Variants in PCSK5 observed in about 807,000 individuals in gnomAD.
PCSK5 encodes the protein prohormone convertase 5.
A neutral mutation model predicts 233.2 loss-of-function variants in PCSK5; 129 were observed. That is an observed-to-expected ratio of 0.55 (90% CI 0.48 to 0.64). The LOEUF is 0.64. PCSK5 is among the 30% of genes least tolerant of loss of function. PCSK5 has a pLI of 0.00. For missense variants in PCSK5, 2,076 were observed against 2,430.1 expected (o/e 0.85, Z 3.06); for synonymous variants, 825 against 879.2 (o/e 0.94, Z 1.09).
rs192292162 is a variant in PCSK5, at chr9:76,083,748, A to T, written c.894+11850A>T. ...TGCTGAAAGCAAAGATTGCTTGTAC[A>T]TACACACAAGTGAACATACACATAT... On this transcript the variant is annotated intron_variant, in intron 7 of 37. Coordinates refer to ENST00000674117, the MANE Select transcript of PCSK5 (RefSeq NM_001372043.1). Among the ~76,000 whole-genome samples the T allele has an allele frequency of 1.2e-4, 19 of 152,390 alleles. No homozygotes were observed. The East Asian group carries it at 3.5e-3, about 28-fold the overall frequency.
At chr9:76,096,554 A>C (rs1472370337) in intron 8 of PCSK5, among the ~76,000 whole-genome samples, 1 of 152,096 alleles carries the variant, frequency 6.6e-6, no homozygotes, top group African/African-American at 2.4e-5. Context: ...ATTTCATTGA[A>C]ATTATACTTA....
At chr9:76,233,725 G>C (rs955070613) in intron 22 of PCSK5, 129 bp downstream of exon 22, 6 of 812,024 alleles carry the variant, frequency 7.4e-6, no homozygotes, top group Admixed American at 2.3e-5. Context: ...GTTCACTGGA[G>C]AGCGTGTACA....
chr9:76,358,793 T>C lies in PCSK5; in HGVS notation c.5535T>C (p.Asp1845=), dbSNP rs779712573. 64 of 1,612,198 alleles carry C rather than the reference T, an allele frequency of 4.0e-5. 1 individual carries two copies. In the South Asian group the frequency reaches 6.9e-4, roughly 17 times the overall value. Residue 1845 remains aspartate, a synonymous_variant, in exon 38 of 38, where the codon GAT becomes GAC. Coordinates refer to ENST00000674117, the MANE Select transcript of PCSK5 (RefSeq NM_001372043.1). ...ACAGGGATCGGGACTATGATGAGGA[T>C]GATGATGATGACATCGTCTACATGG... ...IEYRDRDYDE[D]DDDDIVYMGQ...
Position 76,354,051 on chromosome 9 carries a change from GAA to G in PCSK5, c.5090_5091del (p.Lys1697MetfsTer40), listed in dbSNP as rs770915312. 5.0e-6 allele frequency: 8 copies of G among 1,609,430 alleles called. No homozygotes were observed. Among genetic ancestry groups the G allele is most frequent in the African/African-American group, 1.3e-5 (1 of 74,890 alleles). On this transcript the variant is annotated frameshift_variant, in exon 37 of 38. Coordinates refer to ENST00000674117, the MANE Select transcript of PCSK5 (RefSeq NM_001372043.1). LOFTEE classifies it high-confidence loss of function. ...RVGEGEKFNCEKCHESCMECK... is the reference protein window; with the variant it reads ...RVGEGEKFNCXKCHESCMECK... ...TTAACAGGGAGAGAAGTTTAACTGT[GAA>G]AAATGCCACGAGAGCTGCATGGAAT...
chr9:76,258,705 G>A (rs1827060382), intron 24 of PCSK5, among the ~76,000 whole-genome samples: 2 of 152,160 alleles, frequency 1.3e-5, no homozygotes, highest in Admixed American at 1.3e-4. Flanking sequence ...ACTCAGCTCA[G>A]AAGTAAATTC....
At chr9:76,169,586 AGCT>A in intron 12 of PCSK5, 115 bp from the exon 13 acceptor site, 2 of 765,646 alleles carry the variant, frequency 2.6e-6, no homozygotes. Context: ...GATGCAGACC[AGCT>A]CTAGTGCCCA....
At chr9:75,918,410 G>A (rs930107874) in intron 1 of PCSK5, among the ~76,000 whole-genome samples, 2 of 152,192 alleles carry the variant, frequency 1.3e-5, no homozygotes, top group Admixed American at 6.5e-5. Flanking sequence ...TTTCTGCCAG[G>A]CTCATTGATG....
chr9:76,291,145 CA>C (rs1828264140), intron 24 of PCSK5, among the ~76,000 whole-genome samples: 1 of 152,188 alleles, frequency 6.6e-6, no homozygotes, highest in Non-Finnish European at 1.5e-5. Context: ...ACATTTAGTG[CA>C]ATGCATTAGT....
chr9:76,146,396 G>GA (rs1564060736), intron 10 of PCSK5, among the ~76,000 whole-genome samples: 1 of 151,936 alleles, frequency 6.6e-6, no homozygotes, highest in East Asian at 1.9e-4. Flanking sequence ...CACACTCACA[G>GA]AAAATCCCTG....
chr9:76,067,909 A>G, intron 5 of PCSK5, 46 bp from the exon 6 acceptor site: 1 of 1,473,800 alleles, frequency 6.8e-7, no homozygotes, highest in Non-Finnish European at 9.5e-7. Context: ...TGGCTTTGTG[A>G]GAATGGTGTG....
At chr9:76,066,490 T>C (rs768896718) in intron 5 of PCSK5, among the ~76,000 whole-genome samples, 2 of 152,190 alleles carry the variant, frequency 1.3e-5, no homozygotes, top group Non-Finnish European at 2.9e-5. Context: ...GTACTCAAGA[T>C]TGTTCTTCGT....
At chr9:76,020,657 A>C (rs562324135) in intron 3 of PCSK5, among the ~76,000 whole-genome samples, 12 of 152,360 alleles carry the variant, frequency 7.9e-5, no homozygotes, top group Admixed American at 2.6e-4. Context: ...TTAATGGTAA[A>C]GTCAGATTCA....
chr9:76,031,996 T>G, intron 5 of PCSK5, among the ~76,000 whole-genome samples: 1 of 152,298 alleles, frequency 6.6e-6, no homozygotes, highest in Admixed American at 6.5e-5. Flanking sequence ...TGAGATAGGT[T>G]TGTCTGCTTC....
At chr9:76,228,679 C>T (rs1165734781) in intron 21 of PCSK5, among the ~76,000 whole-genome samples, 1 of 152,270 alleles carries the variant, frequency 6.6e-6, no homozygotes, top group East Asian at 1.9e-4. Flanking sequence ...TTTTGGCTAC[C>T]GAGTATTTCA....
intron 2 of PCSK5, among the ~76,000 whole-genome samples, chr9:75,962,584 G>T (rs1446326985): frequency 2.0e-5 from 3 of 152,182 alleles, no homozygotes; most frequent in Admixed American, 6.5e-5. Flanking sequence ...TGTGTGCCTG[G>T]CTCCACTGTG....
chr9:75,949,459 G>T (rs1392241275), intron 2 of PCSK5, among the ~76,000 whole-genome samples: 4 of 152,086 alleles, frequency 2.6e-5, no homozygotes, highest in Admixed American at 1.3e-4. Flanking sequence ...AAGGAACATG[G>T]ATTGTGTAAC....
At chr9:76,312,189 C>T (rs948077095) in intron 30 of PCSK5, among the ~76,000 whole-genome samples, 2 of 152,112 alleles carry the variant, frequency 1.3e-5, no homozygotes, top group African/African-American at 4.8e-5. Flanking sequence ...TTCATTTGCC[C>T]TCTTATTAAA....
intron 7 of PCSK5, among the ~76,000 whole-genome samples, chr9:76,087,482 T>G (rs1462654947): frequency 6.6e-6 from 1 of 152,190 alleles, no homozygotes; most frequent in Admixed American, 6.5e-5. Flanking sequence ...GTCCCTAAAT[T>G]CAGTGCAACG....
intron 30 of PCSK5, among the ~76,000 whole-genome samples, chr9:76,318,098 G>A (rs921009235): frequency 2.0e-5 from 3 of 152,192 alleles, no homozygotes; most frequent in East Asian, 1.9e-4. Context: ...TTCCTCTTCC[G>A]CGAGTTCCAG....
Sources: gnomAD v4.1 joint callset for allele counts (sites outside exome capture counted in the v4.1 genomes callset) on GRCh38, gnomAD v4.1.1 for gene constraint, MANE v1.5 for transcripts, NCBI Gene and HGNC (gene_info 2026-07-23, HGNC 2026-07-21) for gene names.